ZNF236: variants seen among roughly 807,000 people sequenced by gnomAD.
ZNF236 encodes zinc finger protein 236.
Under a neutral mutation model 191.2 loss-of-function variants are expected in ZNF236, and 50 were observed. The ratio of observed to expected loss-of-function variants is 0.26; its 90% confidence interval spans 0.21 to 0.33. The LOEUF is 0.33. ZNF236 is among the 10% of genes least tolerant of loss of function. ZNF236 has a pLI of 1.00. For synonymous variants in ZNF236, 907 were observed against 928.8 expected (o/e 0.98, Z 0.43); for missense variants, 1,754 against 2,374.5 (o/e 0.74, Z 5.43).
intron 11 of ZNF236, among the ~76,000 whole-genome samples, chr18:76,901,401 G>A (rs996080148): frequency 2.0e-5 from 3 of 152,150 alleles, no homozygotes; most frequent in African/African-American, 7.2e-5. Flanking sequence ...ATTGACTGTA[G>A]AAGAAATAGA....
At chr18:76,895,679 C>A (rs953567521) in intron 10 of ZNF236, among the ~76,000 whole-genome samples, 2 of 152,006 alleles carry the variant, frequency 1.3e-5, no homozygotes, top group African/African-American at 4.8e-5. Context: ...AGGGACTGCA[C>A]ACAGTACCCC....
chr18:76,837,715 A>G (rs942612499), intron 1 of ZNF236, among the ~76,000 whole-genome samples: 1 of 152,200 alleles, frequency 6.6e-6, no homozygotes, highest in Non-Finnish European at 1.5e-5. Context: ...TGCTGGGATT[A>G]CAGGCGTGAC....
chr18:76,967,926 A>G (rs984596273), intron 30 of ZNF236, among the ~76,000 whole-genome samples: 1 of 152,078 alleles, frequency 6.6e-6, no homozygotes, highest in Non-Finnish European at 1.5e-5. Context: ...TATGGAAATC[A>G]TGTGTGTTGG....
chr18:76,831,924 C>T (rs1190683005), intron 1 of ZNF236, among the ~76,000 whole-genome samples: 2 of 152,048 alleles, frequency 1.3e-5, no homozygotes, highest in Non-Finnish European at 2.9e-5. Context: ...TTTTTATAGT[C>T]TCCTATTCAC....
In ZNF236 at chr18:76,906,258, G is replaced by A. The variant is rs3794872; in HGVS notation, c.2297+843G>A. On this transcript the variant is annotated intron_variant, in intron 13 of 30. Coordinates refer to ENST00000320610, the MANE Select transcript of ZNF236 (RefSeq NM_001306089.2). ...AATTGACGTTTTTGATTTCAGTATC[G>A]TTGATTGCTTAGCTGAGAAATTTAC... 6.6e-3 allele frequency among the ~76,000 whole-genome samples: 999 copies of A among 152,300 alleles called. 15 individuals are homozygous for A. The highest frequency in any genetic ancestry group is 0.049 in the South Asian group (237 of 4,822).
chr18:76,916,996 C>G (rs557640283), intron 19 of ZNF236, among the ~76,000 whole-genome samples: 1 of 152,180 alleles, frequency 6.6e-6, no homozygotes, highest in Non-Finnish European at 1.5e-5. Context: ...GGCAGTCTAC[C>G]TTTCTCTGCT....
At chr18:76,949,625 T>C (rs1008626464) in intron 27 of ZNF236, among the ~76,000 whole-genome samples, 1 of 152,144 alleles carries the variant, frequency 6.6e-6, no homozygotes, top group African/African-American at 2.4e-5. Flanking sequence ...ATGTTTATAC[T>C]ATACTGTAAT....
intron 16 of ZNF236, among the ~76,000 whole-genome samples, 190 bp downstream of exon 16, chr18:76,911,001 C>T (rs1173895987): frequency 6.6e-6 from 1 of 152,170 alleles, no homozygotes; most frequent in Non-Finnish European, 1.5e-5. Flanking sequence ...TTCCTTAAAA[C>T]ATTTTAATTT....
At chr18:76,837,165 G>T (rs994095360) in intron 1 of ZNF236, among the ~76,000 whole-genome samples, 2 of 123,830 alleles carry the variant, frequency 1.6e-5, no homozygotes, top group Non-Finnish European at 1.6e-5. Flanking sequence ...CAAAGTGCTG[G>T]AATTACAGGC....
In ZNF236 at chr18:76,927,062, G is replaced by A; in HGVS notation, c.4053G>A (p.Leu1351=). The change falls in exon 23 of 31, where the codon CTG becomes CTA. Residue 1351 remains leucine, a synonymous_variant. Transcript: ENST00000320610. This position sits in a 1 kb window ranked among gnomAD's most constrained non-coding sequence, Gnocchi z 5.4. ...VSAGGDLTVS[L]TDGSLATLEG... ...CTGGGGGTGACCTGACCGTGTCTCT[G>A]ACAGATGGGAGCCTGGCTACCCTAG... 1.2e-6 allele frequency: 2 copies of A among 1,613,484 alleles called. No homozygotes were observed. The highest frequency in any genetic ancestry group is 2.2e-5 in the South Asian group (2 of 91,050).
chr18:76,877,935 A>G (rs1182411055), intron 6 of ZNF236, 74 bp from the exon 7 acceptor site: 26 of 1,168,328 alleles, frequency 2.2e-5, no homozygotes, highest in Non-Finnish European at 1.2e-6. Flanking sequence ...GTAAATTATG[A>G]TTTGCCATAA....
At chr18:76,962,194 G>T (rs1175721247) in intron 30 of ZNF236, among the ~76,000 whole-genome samples, 1 of 152,022 alleles carries the variant, frequency 6.6e-6, no homozygotes, top group African/African-American at 2.4e-5. Context: ...ATAGTTTCAG[G>T]TCTTAGTTTT....
chr18:76,925,914 AGTT>A lies in ZNF236; in HGVS notation c.4027+364_4027+366del, dbSNP rs1486202192. The stretch of plus-strand genomic sequence containing the variant: ...TGTTTTTGATATAGTGCAGTTTTCC[AGTT>A]GTTCTTGCGTCTCATAGTGCTTGAG... On this transcript the variant is annotated intron_variant, in intron 22 of 30. Transcript: ENST00000320610. This position sits in a 1 kb window ranked among gnomAD's most constrained non-coding sequence, Gnocchi z 5.7. 6.6e-6 allele frequency among the ~76,000 whole-genome samples: 1 copy of A among 152,228 alleles called. No homozygotes were observed.
intron 21 of ZNF236, among the ~76,000 whole-genome samples, chr18:76,924,805 G>A (rs570984963): frequency 6.6e-6 from 1 of 152,292 alleles, no homozygotes; most frequent in Admixed American, 6.5e-5. Context: ...ATGCTGAGAT[G>A]TTAAAGTACC....
chr18:76,960,426 A>G lies in ZNF236; in HGVS notation c.5243-253A>G, dbSNP rs8095808. 0.36 allele frequency among the ~76,000 whole-genome samples: 54,103 copies of G among 151,840 alleles called. 10,187 individuals are homozygous for G. The highest frequency in any genetic ancestry group is 0.48 in the Admixed American group (7,320 of 15,278). On this transcript the variant is annotated intron_variant, in intron 29 of 30. Transcript: ENST00000320610. This position sits in a 1 kb window ranked among gnomAD's most constrained non-coding sequence, Gnocchi z 4.4. ...CGACTCACTGTGGGCCTGGGGTTCC[A>G]CAGGCTGCATCCACCGTGGCCCTTC...
rs71172383 is a variant in ZNF236, at chr18:76,843,803, A to AAAAAAAAAAAAAAAAAAAAAAAAAAAG, written c.56-5721_56-5720insAAAAAAAAAAAAAAAAAAAAAAAAGAA. ...AAAAAAAAAAAAAAAAAAAAAAAAA[A>AAAAAAAAAAAAAAAAAAAAAAAAAAAG]AAGTAAAGAAGAGACCGGGCGCAGT... On this transcript the variant is annotated intron_variant, in intron 1 of 30. Coordinates refer to ENST00000320610, the MANE Select transcript of ZNF236 (RefSeq NM_001306089.2). Among the ~76,000 whole-genome samples, 103 of 62,088 alleles carry AAAAAAAAAAAAAAAAAAAAAAAAAAAG rather than the reference A, an allele frequency of 1.7e-3. 34 individuals carry two copies. Among genetic ancestry groups the AAAAAAAAAAAAAAAAAAAAAAAAAAAG allele is most frequent in the Non-Finnish European group, 2.2e-3 (79 of 35,430 alleles). The allele number at this position is 62,088 out of a possible 152,430, so 40.7% of individuals were successfully genotyped here. A position where few individuals can be genotyped will look rare whatever the true frequency, so the allele number is the denominator to read the frequency against.
chr18:76,967,456 G>T (rs1788705), intron 30 of ZNF236, among the ~76,000 whole-genome samples: 1 of 143,154 alleles, frequency 7.0e-6, no homozygotes, highest in Non-Finnish European at 1.5e-5. Context: ...GGTGTGCTCT[G>T]TGAGATTTGT....
At chr18:76,968,075 C>T in intron 30 of ZNF236, 140 bp from the exon 31 acceptor site, 1 of 1,125,366 alleles carries the variant, frequency 8.9e-7, no homozygotes, top group Non-Finnish European at 1.3e-6. Context: ...GCTCAAATTA[C>T]TCTTTTTTCA....
rs1968613484 is a variant in ZNF236 at position 76,959,727 on chromosome 18, C to T, written c.5153C>T (p.Ser1718Phe). ...QTHQAGPSLS[S>F]QKPRVFKCDT... ...CACCAGGCCGGCCCCTCTTTGAGCT[C>T]CCAGAAGCCAAGAGTGTTTAAATGT... Residue 1718 changes from serine (S) to phenylalanine (F), a missense_variant, in exon 29 of 31, where the codon TCC becomes TTC. By Grantham distance (155) the Ser-to-Phe change is radical. This residue lies in a region of ZNF236 where 606 missense variants were observed against 761.5 expected (regional missense o/e 0.80). Coordinates refer to ENST00000320610, the MANE Select transcript of ZNF236 (RefSeq NM_001306089.2). 6.2e-7 allele frequency: 1 copy of T among 1,613,892 alleles called. No individual in the cohort carries two copies. Among genetic ancestry groups the T allele is most frequent in the Non-Finnish European group, 8.5e-7 (1 of 1,179,906 alleles).
Sources: allele counts gnomAD v4.1 joint callset (sites outside exome capture counted in the v4.1 genomes callset), GRCh38; gene constraint gnomAD v4.1.1; regional missense constraint gnomAD v4.1.1; non-coding constraint Gnocchi (gnomAD v3.1); transcripts MANE v1.5; gene names NCBI Gene and HGNC (gene_info 2026-07-23, HGNC 2026-07-21).